The following WWOX variants were observed in gnomAD, a reference collection of about 807,000 sequenced individuals.
WWOX encodes the protein WW domain-containing oxidoreductase.
A neutral mutation model predicts 46.2 loss-of-function variants in WWOX; 69 were observed. The observed-to-expected ratio is 1.49, with a 90% CI of 1.23 to 1.82. The LOEUF is 1.82. Ranked by LOEUF, WWOX falls within the 40% of genes most tolerant of loss-of-function variation. The pLI, the probability that WWOX is intolerant of heterozygous loss-of-function variation, is 0.00. For missense variants in WWOX, 919 were observed against 542.6 expected, an observed-to-expected ratio of 1.69 and a Z score of -6.89; for synonymous variants, 359 against 202.6, an observed-to-expected ratio of 1.77 and a Z score of -6.56.
At chr16:78,462,224 TTCTC>T (rs963810153) in intron 8 of WWOX, among the ~76,000 whole-genome samples, 2 of 151,924 alleles carry the variant, frequency 1.3e-5, no homozygotes, top group African/African-American at 4.9e-5. Context: ...CTAAATATCT[TTCTC>T]TCTTGCTCAC....
At chr16:79,072,375 T>A (rs2048567943) in intron 8 of WWOX, among the ~76,000 whole-genome samples, 1 of 152,194 alleles carries the variant, frequency 6.6e-6, no homozygotes, top group Non-Finnish European at 1.5e-5. Context: ...AAAGTTGCAC[T>A]GCCTCCCATA....
At chr16:78,543,038 G>T (rs918952643) in intron 8 of WWOX, among the ~76,000 whole-genome samples, 2 of 152,202 alleles carry the variant, frequency 1.3e-5, no homozygotes, top group African/African-American at 4.8e-5. Context: ...TGTGGTTGGG[G>T]AAGGGCATAG....
chr16:78,444,542 TTTTTTTGAGGTGG>T (rs1419523784), intron 8 of WWOX, among the ~76,000 whole-genome samples: 1 of 148,722 alleles, frequency 6.7e-6, no homozygotes, highest in Non-Finnish European at 1.5e-5. Flanking sequence ...CTTTTTTTTT[TTTTTTTGAGGTGG>T]AGTCTCACTC....
chr16:78,182,260 C>T (rs2151754317), intron 5 of WWOX, among the ~76,000 whole-genome samples: 1 of 152,290 alleles, frequency 6.6e-6, no homozygotes, highest in East Asian at 1.9e-4. Flanking sequence ...TACCCGAGTA[C>T]TTGCGGTGGT....
At chr16:79,120,095 T>C (rs1279919555) in intron 8 of WWOX, among the ~76,000 whole-genome samples, 1 of 152,168 alleles carries the variant, frequency 6.6e-6, no homozygotes, top group Non-Finnish European at 1.5e-5. Flanking sequence ...ACATTTTCAC[T>C]TAACATCCTG....
At chr16:79,003,078 C>G (rs142209433) in intron 8 of WWOX, among the ~76,000 whole-genome samples, 1 of 152,308 alleles carries the variant, frequency 6.6e-6, no homozygotes, top group Non-Finnish European at 1.5e-5. Context: ...TCAGACCCCA[C>G]TCTTCCCCCT....
intron 8 of WWOX, among the ~76,000 whole-genome samples, chr16:78,861,821 C>G (rs972814489): frequency 3.9e-5 from 6 of 152,128 alleles, no homozygotes; most frequent in African/African-American, 1.4e-4. Context: ...ATAGGTAAAG[C>G]ACAAAAGAAA....
At chr16:78,520,079 G>A (rs781007986) in intron 8 of WWOX, among the ~76,000 whole-genome samples, 2 of 152,078 alleles carry the variant, frequency 1.3e-5, no homozygotes, top group Admixed American at 6.6e-5. Context: ...ACTTAGTTTC[G>A]AAAGGTTTCT....
chr16:78,872,189 T>A (rs929065483), intron 8 of WWOX, among the ~76,000 whole-genome samples: 13 of 152,230 alleles, frequency 8.5e-5, no homozygotes, highest in African/African-American at 3.1e-4. Context: ...GTGCAACCCA[T>A]AGAACCAGGC....
intron 8 of WWOX, among the ~76,000 whole-genome samples, chr16:78,734,108 A>G (rs1331962452): frequency 6.6e-6 from 1 of 152,130 alleles, no homozygotes; most frequent in Admixed American, 6.5e-5. Flanking sequence ...CCGTCCATCT[A>G]TTCATACACA....
In WWOX at chr16:78,900,847, GAA is replaced by G. The variant is rs71979088; in HGVS notation, c.1057-310748_1057-310747del. On this transcript the variant is annotated intron_variant, in intron 8 of 8. Transcript: ENST00000566780. ...GTACTTTTAATCAGAGCCTTTTTTTGAAAAAAAAAAAAAAGAAAAAGATAGTT... is the reference window on the plus strand; with the variant it reads ...GTACTTTTAATCAGAGCCTTTTTTTGAAAAAAAAAAAAGAAAAAGATAGTT... Among the ~76,000 whole-genome samples, 1,364 of 140,516 alleles carry G rather than the reference GAA, an allele frequency of 9.7e-3. 15 individuals are homozygous for G. Among genetic ancestry groups the G allele is most frequent in the African/African-American group, 0.029 (1,104 of 38,370 alleles). 92.2% of individuals were successfully genotyped at this position (140,516 alleles called of 152,430 possible). A position where few individuals can be genotyped will look rare whatever the true frequency, so the allele number is the denominator to read the frequency against.
At chr16:79,116,656 G>C (rs1033270431) in intron 8 of WWOX, among the ~76,000 whole-genome samples, 1 of 152,104 alleles carries the variant, frequency 6.6e-6, no homozygotes, top group Non-Finnish European at 1.5e-5. Flanking sequence ...TCTTGAAGGG[G>C]CTCAAGACTT....
intron 8 of WWOX, among the ~76,000 whole-genome samples, chr16:78,542,276 T>C (rs532628988): frequency 1.3e-5 from 2 of 152,138 alleles, no homozygotes; most frequent in South Asian, 2.1e-4. Context: ...TGACTGTAGA[T>C]ACTTGGGTAA....
chr16:79,086,414 T>C (rs959210097), intron 8 of WWOX, among the ~76,000 whole-genome samples: 1 of 152,236 alleles, frequency 6.6e-6, no homozygotes, highest in African/African-American at 2.4e-5. Context: ...TCTTGATACA[T>C]TTTGAGGGTA....
At chr16:78,940,720 C>T (rs908766950) in intron 8 of WWOX, among the ~76,000 whole-genome samples, 1 of 151,304 alleles carries the variant, frequency 6.6e-6, no homozygotes, top group Non-Finnish European at 1.5e-5. Flanking sequence ...CATATCTACC[C>T]AGCGGGGTTA....
intron 8 of WWOX, among the ~76,000 whole-genome samples, chr16:78,904,459 C>T (rs1300349263): frequency 2.0e-5 from 3 of 151,766 alleles, no homozygotes. Context: ...GGATGGTCTT[C>T]TTCTCTTGAC....
intron 8 of WWOX, among the ~76,000 whole-genome samples, chr16:78,490,146 T>C (rs2084743087): frequency 6.6e-6 from 1 of 151,096 alleles, no homozygotes; most frequent in Admixed American, 6.6e-5. Context: ...TTTTTTTTTT[T>C]TTTGGTTGTG....
intron 4 of WWOX, among the ~76,000 whole-genome samples, chr16:78,137,552 G>T (rs1314845907): frequency 6.6e-6 from 1 of 152,160 alleles, no homozygotes; most frequent in African/African-American, 2.4e-5. Context: ...TCTTATGGAT[G>T]ACTTCATATA....
chr16:78,844,012 T>C (rs1327566422), intron 8 of WWOX, among the ~76,000 whole-genome samples: 5 of 152,182 alleles, frequency 3.3e-5, no homozygotes, highest in Non-Finnish European at 7.3e-5. Flanking sequence ...GCTCTGAGAA[T>C]AGCCAGGGGT....
Sources: allele counts gnomAD v4.1 joint callset (sites outside exome capture counted in the v4.1 genomes callset), GRCh38; gene constraint gnomAD v4.1.1; transcripts MANE v1.5; gene names NCBI Gene and HGNC (gene_info 2026-07-23, HGNC 2026-07-21).